TENM2: variants seen among roughly 807,000 people sequenced by gnomAD.
TENM2 encodes the protein teneurin transmembrane protein 2, also known as teneurin-2.
In TENM2, 52 loss-of-function variants were observed where a neutral mutation model predicts 245.2. That is an observed-to-expected ratio of 0.21 (90% CI 0.17 to 0.27). The LOEUF (loss-of-function observed/expected upper bound fraction) is 0.27. TENM2 is among the 10% of genes least tolerant of loss of function. The pLI is 1.00. For missense variants in TENM2, 3,046 were observed against 3,666.8 expected, an observed-to-expected ratio of 0.83 and a Z score of 4.37; for synonymous variants, 1,363 against 1,438.9, an observed-to-expected ratio of 0.95 and a Z score of 1.19.
intron 4 of TENM2, among the ~76,000 whole-genome samples, chr5:167,968,690 C>T (rs1288032614): frequency 1.2e-4 from 19 of 152,210 alleles, no homozygotes; most frequent in Non-Finnish European, 2.6e-4. Context: ...TAAGAATTTT[C>T]GATGATCTTA....
chr5:167,519,484 T>C (rs1477319331), intron 2 of TENM2, among the ~76,000 whole-genome samples: 5 of 152,154 alleles, frequency 3.3e-5, no homozygotes, highest in African/African-American at 9.6e-5. Context: ...TTGGTGCTTA[T>C]GCCAAAACCA....
At chr5:167,551,729 G>A (rs1459577062) in intron 2 of TENM2, among the ~76,000 whole-genome samples, 1 of 152,020 alleles carries the variant, frequency 6.6e-6, no homozygotes, top group East Asian at 1.9e-4. Context: ...CATCAATTTT[G>A]TGTAAGTTGG....
the TENM2 span, among the ~76,000 whole-genome samples, chr5:167,062,783 G>A: frequency 6.6e-6 from 1 of 152,174 alleles, no homozygotes. Flanking sequence ...TTGTGGTGGA[G>A]TGACTATGGG....
At chr5:167,284,751 T>C (rs1007664713), upstream of TENM2, 15 of 988,448 alleles carry the variant, frequency 1.5e-5, no homozygotes, top group African/African-American at 2.3e-4. Flanking sequence ...GGTTTTTTCT[T>C]CTATGTTTTC....
At chr5:168,229,627 T>TGAGAGTAG (rs1371288979) in intron 25 of TENM2, 6 of 152,220 alleles carry the variant, frequency 3.9e-5, no homozygotes, top group African/African-American at 1.4e-4. Context: ...TTGGAATCCC[T>TGAGAGTAG]GAGAGTAGAA....
chr5:168,015,850 G>T (rs979738535), intron 5 of TENM2, among the ~76,000 whole-genome samples: 2 of 152,214 alleles, frequency 1.3e-5, no homozygotes, highest in African/African-American at 4.8e-5. Context: ...GCTTCAAGTT[G>T]AGGGCTTTCC....
At chr5:168,190,684 G>A (rs1760877545) in intron 14 of TENM2, 137 bp downstream of exon 16, 1 of 679,762 alleles carries the variant, frequency 1.5e-6, no homozygotes, top group Admixed American at 2.9e-5. Flanking sequence ...CTCCAAGGGG[G>A]ACTCAGAGAA....
chr5:167,000,567 T>C, the TENM2 span, among the ~76,000 whole-genome samples: 6 of 152,164 alleles, frequency 3.9e-5, no homozygotes, highest in South Asian at 2.1e-4. Flanking sequence ...AAATAACAGA[T>C]GTTTGGGTCA....
At chr5:167,189,288 T>A in the TENM2 span, among the ~76,000 whole-genome samples, 1 of 152,158 alleles carries the variant, frequency 6.6e-6, no homozygotes, top group Non-Finnish European at 1.5e-5. Context: ...TGTTACGTAG[T>A]GTGGAAGAAA....
chr5:167,908,773 GAGAAA>G, intron 3 of TENM2, among the ~76,000 whole-genome samples: 1 of 151,220 alleles, frequency 6.6e-6, no homozygotes, highest in Non-Finnish European at 1.5e-5. Flanking sequence ...CCTGAGGAAA[GAGAAA>G]AGAAAGTCCA....
chr5:168,115,359 G>GGAAGGAA (rs766545923), intron 9 of TENM2, among the ~76,000 whole-genome samples: 1 of 71,598 alleles, frequency 1.4e-5, no homozygotes, highest in Admixed American at 1.8e-4. Context: ...AGGGAAGGAA[G>GGAAGGAA]GGAAGGAAGG....
the TENM2 span, among the ~76,000 whole-genome samples, chr5:167,162,587 C>T: frequency 1.3e-5 from 2 of 150,478 alleles, no homozygotes; most frequent in Admixed American, 1.3e-4. Context: ...GAGATGGCGC[C>T]ACTGCACTGC....
intron 5 of TENM2, among the ~76,000 whole-genome samples, chr5:168,045,743 C>T (rs760821067): frequency 2.0e-5 from 3 of 152,206 alleles, no homozygotes; most frequent in Non-Finnish European, 4.4e-5. Flanking sequence ...TTTAAAATAG[C>T]TAATTCCTTG....
intron 2 of TENM2, among the ~76,000 whole-genome samples, chr5:167,836,090 A>C (rs1768964452): frequency 6.6e-6 from 1 of 152,216 alleles, no homozygotes; most frequent in South Asian, 2.1e-4. Context: ...TTTCTACACA[A>C]GATAGCAACG....
At chr5:167,662,378 T>A (rs1347913486) in intron 2 of TENM2, among the ~76,000 whole-genome samples, 3 of 152,214 alleles carry the variant, frequency 2.0e-5, no homozygotes, top group Non-Finnish European at 4.4e-5. Context: ...TTTTAATTAC[T>A]GATAACACCC....
chr5:168,079,052 C>T (rs1791736452), intron 7 of TENM2, among the ~76,000 whole-genome samples: 1 of 152,172 alleles, frequency 6.6e-6, no homozygotes, highest in Non-Finnish European at 1.5e-5. Context: ...TTGATTCTTC[C>T]TATCCATGAG....
the TENM2 span, among the ~76,000 whole-genome samples, chr5:167,150,411 T>G: frequency 6.6e-6 from 1 of 152,218 alleles, no homozygotes; most frequent in Non-Finnish European, 1.5e-5. Flanking sequence ...GCTTAAATAT[T>G]CAAGCTTGGG....
At chr5:167,864,606 G>T (rs1021013335) in intron 2 of TENM2, among the ~76,000 whole-genome samples, 16 of 152,164 alleles carry the variant, frequency 1.1e-4, no homozygotes, top group Non-Finnish European at 2.1e-4. Context: ...CAATCACATT[G>T]TTACATCAGC....
At chr5:167,743,135 CCT>C (rs1172549565) in intron 2 of TENM2, among the ~76,000 whole-genome samples, 4 of 152,140 alleles carry the variant, frequency 2.6e-5, no homozygotes, top group African/African-American at 4.8e-5. Flanking sequence ...TAGTATAAGA[CCT>C]GGGACTACAC....
Sources: allele counts gnomAD v4.1 joint callset (sites outside exome capture counted in the v4.1 genomes callset), GRCh38; gene constraint gnomAD v4.1.1; transcripts MANE v1.5; gene names NCBI Gene and HGNC (gene_info 2026-07-23, HGNC 2026-07-21).